The following CHRNA2 variants were observed in gnomAD, a reference collection of about 807,000 sequenced individuals.
CHRNA2 encodes the protein neuronal acetylcholine receptor subunit alpha-2.
In CHRNA2, 40 loss-of-function variants were observed where a neutral mutation model predicts 45.5. That is an observed-to-expected ratio of 0.88 (90% CI 0.68 to 1.15). CHRNA2 has a LOEUF of 1.15. Among genes scored for constraint, CHRNA2 ranks in the 50% most tolerant of loss-of-function variants. The pLI is 0.00. For missense variants in CHRNA2, 655 were observed against 701.7 expected (o/e 0.93, Z 0.75); for synonymous variants, 301 against 296.7 (o/e 1.01, Z -0.15).
intron 4 of CHRNA2, among the ~76,000 whole-genome samples, chr8:27,468,205 G>T (rs1052683658): frequency 4.6e-5 from 7 of 152,150 alleles, no homozygotes; most frequent in Non-Finnish European, 8.8e-5. Context: ...CTCCTTCCTT[G>T]CCCTGCCACC....
intron 1 of CHRNA2, among the ~76,000 whole-genome samples, chr8:27,476,490 C>T (rs1042226777): frequency 4.6e-5 from 7 of 152,120 alleles, no homozygotes; most frequent in African/African-American, 1.2e-4. Context: ...TGTTGTTATC[C>T]GAGATTAAAT....
intron 4 of CHRNA2, among the ~76,000 whole-genome samples, chr8:27,468,251 C>G: frequency 6.6e-6 from 1 of 152,206 alleles, no homozygotes; most frequent in East Asian, 1.9e-4. Flanking sequence ...CCCATGGGGA[C>G]AACTGTGGCA....
At position 27,469,795 on chromosome 8, in the gene CHRNA2, C is replaced by T. The variant is rs532212433; in HGVS notation, c.260G>A (p.Arg87His). The T allele has an allele frequency of 2.5e-6, 4 of 1,614,070 alleles. No homozygotes were observed. The highest frequency in any genetic ancestry group is 2.5e-6 in the Non-Finnish European group (3 of 1,180,044). Residue 87 changes from arginine to histidine, a missense_variant, in exon 3 of 7, where the codon CGC becomes CAC. Transcript: ENST00000407991. ...VPNTSDVVIVRFGLSIAQLID... is the reference protein window; with the variant it reads ...VPNTSDVVIVHFGLSIAQLID... ...GAGCTGAGCGATGGACAGTCCAAAG[C>T]GCACAATCACCACGTCTGAAGTGTT... is the stretch of plus-strand genomic sequence containing the variant.
rs1812575559 is a variant in CHRNA2 at position 27,463,366 on chromosome 8, G to C, written c.1077C>G (p.Thr359=). Residue 359 remains threonine, a synonymous_variant, in exon 6 of 7, where the codon ACC becomes ACG. Coordinates refer to ENST00000407991, the MANE Select transcript of CHRNA2 (RefSeq NM_000742.4). The surrounding 1 kb of genome is among the most constrained non-coding windows in gnomAD (Gnocchi z 6.1). ...CCCGCACCCAGTGGGGCATGGTGTG[G>C]GTGCTGGGGGAGCGGTGGTGCACAT... ...VLNVHHRSPS[T]HTMPHWVRGA... 1 of 1,613,946 alleles carries C rather than the reference G, an allele frequency of 6.2e-7. No individual in the cohort carries two copies. Among genetic ancestry groups the C allele is most frequent in the Admixed American group, 1.7e-5 (1 of 60,004 alleles).
intron 1 of CHRNA2, among the ~76,000 whole-genome samples, chr8:27,474,310 A>G (rs773838320): frequency 6.6e-6 from 1 of 152,238 alleles, no homozygotes; most frequent in African/African-American, 2.4e-5. Flanking sequence ...GCCTGCCTGC[A>G]TCAATTTCCC....
rs373599393 is a variant in CHRNA2, at chr8:27,463,198, C to T, written c.1245G>A (p.Val415=). Residue 415 remains valine (V), a synonymous_variant, in exon 6 of 7, where the codon GTG becomes GTA. Coordinates refer to ENST00000407991, the MANE Select transcript of CHRNA2 (RefSeq NM_000742.4). This position sits in a 1 kb window ranked among gnomAD's most constrained non-coding sequence, Gnocchi z 6.1. ...ESNVDAEERE[V]VVEEEDRWAC... ...CCCATCTGTCCTCCTCCTCCACCAC[C>T]ACCTCCCTCTCCTCGGCATCCACGT... The T allele has an allele frequency of 6.9e-6, 11 of 1,589,836 alleles. No individual in the cohort carries two copies. The African/African-American group carries it at 1.3e-4, about 19-fold the overall frequency.
chr8:27,474,011 T>C (rs1250581712), intron 1 of CHRNA2, among the ~76,000 whole-genome samples: 1 of 152,164 alleles, frequency 6.6e-6, no homozygotes, highest in Non-Finnish European at 1.5e-5. Flanking sequence ...CCTGGGATTT[T>C]GTCTTAAGAT....
chr8:27,470,964 A>G (rs762713890), intron 2 of CHRNA2, 22 bp downstream of exon 2: 2 of 1,611,758 alleles, frequency 1.2e-6, no homozygotes, highest in Non-Finnish European at 1.7e-6. Context: ...AAGTCTTACA[A>G]TGACAGGTGA....
chr8:27,463,604 G>T lies in CHRNA2; in HGVS notation c.839C>A (p.Ser280Tyr). The T allele has an allele frequency of 6.2e-7, 1 of 1,614,232 alleles. No individual in the cohort carries two copies. Among genetic ancestry groups the T allele is most frequent in the Non-Finnish European group, 8.5e-7 (1 of 1,180,048 alleles). The change falls in exon 6 of 7, where the codon TCC becomes TAC. Residue 280 changes from serine (S) to tyrosine (Y), a missense_variant. Ser to Tyr is a moderately radical substitution (Grantham distance 144). This residue lies in a region of CHRNA2 where 37 missense variants were observed against 66.8 expected (regional missense o/e 0.55). Transcript: ENST00000407991. This position sits in a 1 kb window ranked among gnomAD's most constrained non-coding sequence, Gnocchi z 6.1. ...INLIIPCLLI[S>Y]CLTVLVFYLP... ...GTAGAAGACCAGCACAGTGAGGCAG[G>T]AGATGAGCAGGCAGGGGATGATGAG...
Position 27,463,849 on chromosome 8 carries a change from C to G in CHRNA2, c.594G>C (p.Lys198Asn), listed in dbSNP as rs1812610904. 6.2e-7 allele frequency: 1 copy of G among 1,614,086 alleles called. No individual in the cohort carries two copies. Among genetic ancestry groups the G allele is most frequent in the Non-Finnish European group, 8.5e-7 (1 of 1,180,052 alleles). The change falls in exon 6 of 7, where the codon AAG becomes AAC. Residue 198 changes from lysine to asparagine, a missense_variant. This residue lies in a region of CHRNA2 where 323 missense variants were observed against 354.4 expected (regional missense o/e 0.91). Coordinates refer to ENST00000407991, the MANE Select transcript of CHRNA2 (RefSeq NM_000742.4). The surrounding 1 kb of genome is among the most constrained non-coding windows in gnomAD (Gnocchi z 6.1). ...TFFPFDQQNC[K>N]MKFGSWTYDK... ...CATAAGTCCAGGAGCCAAACTTCAT[C>G]TTGCAGTTCTGCTGGTCGAAGGGGA...
Position 27,469,935 on chromosome 8 carries a change from T to C in CHRNA2, c.120A>G (p.Pro40=). The C allele has an allele frequency of 6.2e-7, 1 of 1,613,360 alleles. No homozygotes were observed. Among genetic ancestry groups the C allele is most frequent in the Non-Finnish European group, 8.5e-7 (1 of 1,179,816 alleles). ...KRPPPRAPGD[P]LSSPSPTALP... is the part of the protein sequence containing the mutation. ...ATGCCGTGGGACTGGGAGAGGAGAG[T>C]GGGTCTCCAGGAGCCCTGGGAGGTG... Residue 40 remains proline (P), a synonymous_variant, in exon 3 of 7, where the codon CCA becomes CCG. Coordinates refer to ENST00000407991, the MANE Select transcript of CHRNA2 (RefSeq NM_000742.4).
chr8:27,472,109 G>A (rs1812902837), intron 1 of CHRNA2, among the ~76,000 whole-genome samples: 2 of 152,194 alleles, frequency 1.3e-5, no homozygotes, highest in East Asian at 1.9e-4. Flanking sequence ...TGAGCCCAGC[G>A]AGGGCATGGA....
chr8:27,467,189 G>A, intron 5 of CHRNA2, 40 bp downstream of exon 5: 4 of 1,519,386 alleles, frequency 2.6e-6, no homozygotes, highest in Non-Finnish European at 3.7e-6. Context: ...CCTGCAAGTT[G>A]GCCTCCCCTC....
At position 27,469,553 on chromosome 8, in the gene CHRNA2, C is replaced by T; in HGVS notation, c.295-174G>A. 4.6e-6 allele frequency: 4 copies of T among 868,046 alleles called. 1 individual carries two copies. The highest frequency in any genetic ancestry group is 2.4e-4 in the Middle Eastern group (1 of 4,098). 53.8% of individuals were successfully genotyped at this position (868,046 alleles called of 1,614,324 possible). On this transcript the variant is annotated intron_variant, in intron 3 of 6. Coordinates refer to ENST00000407991, the MANE Select transcript of CHRNA2 (RefSeq NM_000742.4). ...CTCAGATTCTCCAGGGTCACACAGGCACTGCTGCCAATCAATGCCCTCCTA... is the reference window on the plus strand; with the variant it reads ...CTCAGATTCTCCAGGGTCACACAGGTACTGCTGCCAATCAATGCCCTCCTA...
chr8:27,460,934 C>G lies in CHRNA2; in HGVS notation c.*695G>C, dbSNP rs1446477710. The G allele has an allele frequency of 6.6e-6, 1 of 152,454 alleles. No individual in the cohort carries two copies. The highest frequency in any genetic ancestry group is 6.5e-5 in the Admixed American group (1 of 15,308). The allele number at this position is 152,454 out of a possible 1,614,324, so 9.4% of individuals were successfully genotyped here. A position where few individuals can be genotyped will look rare whatever the true frequency, so the allele number is the denominator to read the frequency against. ...CAGATGGATGGAATAGCCCAGCCAC[C>G]TGTATCCAACCATCCATCCCTCCCC... On this transcript the variant is annotated 3_prime_UTR_variant, in exon 7 of 7. Transcript: ENST00000407991.
intron 3 of CHRNA2, 180 bp downstream of exon 3, chr8:27,469,581 A>G: frequency 1.1e-6 from 1 of 873,562 alleles, no homozygotes; most frequent in Non-Finnish European, 1.8e-6. Flanking sequence ...CCCTCCTAGG[A>G]GGGAGCTCCA....
At position 27,469,779 on chromosome 8, in the gene CHRNA2, G is replaced by A. The variant is rs201944711; in HGVS notation, c.276C>T (p.Ile92=). The part of the protein sequence containing the change: ...DVVIVRFGLS[I]AQLIDVDEKN... The stretch of plus-strand genomic sequence containing the variant: ...GGCGCACCACATCGATGAGCTGAGC[G>A]ATGGACAGTCCAAAGCGCACAATCA... Residue 92 remains isoleucine (I), a synonymous_variant, in exon 3 of 7, where the codon ATC becomes ATT. Coordinates refer to ENST00000407991, the MANE Select transcript of CHRNA2 (RefSeq NM_000742.4). The A allele has an allele frequency of 1.9e-5, 30 of 1,614,208 alleles. No individual in the cohort carries two copies. In the African/African-American group the frequency reaches 1.9e-4, roughly 10 times the overall value.
At position 27,471,191 on chromosome 8, in the gene CHRNA2, G is replaced by A. The variant is rs886062846; in HGVS notation, c.-133C>T. ...TTCTGCGAGGCTTCCTCTCACCACCGAACCTGAGCAAGCCCAAGAAAGGGC... is the reference window on the plus strand; with the variant it reads ...TTCTGCGAGGCTTCCTCTCACCACCAAACCTGAGCAAGCCCAAGAAAGGGC... On this transcript the variant is annotated 5_prime_UTR_variant, in exon 2 of 7. Transcript: ENST00000407991. The A allele has an allele frequency of 1.8e-5, 15 of 812,120 alleles. No individual in the cohort carries two copies. The highest frequency in any genetic ancestry group is 8.8e-5 in the South Asian group (6 of 67,996). 50.3% of individuals were successfully genotyped at this position (812,120 alleles called of 1,614,324 possible).
Position 27,460,743 on chromosome 8 carries a change from GTCTT to G in CHRNA2, c.*882_*885del, listed in dbSNP as rs1812449856. On this transcript the variant is annotated 3_prime_UTR_variant, in exon 7 of 7. Transcript: ENST00000407991. ...GGTGGGTCAGGAGCAGCTCAGGATGGTCTTTCTTGTTTGCCTGCTGCACGCGTAG... is the reference window on the plus strand; with the variant it reads ...GGTGGGTCAGGAGCAGCTCAGGATGGTCTTGTTTGCCTGCTGCACGCGTAG... 1 of 152,276 alleles carries G rather than the reference GTCTT, an allele frequency of 6.6e-6. No individual in the cohort carries two copies. The highest frequency in any genetic ancestry group is 2.4e-5 in the African/African-American group (1 of 41,418). The allele number at this position is 152,276 out of a possible 1,614,324, so 9.4% of individuals were successfully genotyped here.
Sources: gnomAD v4.1 joint callset for allele counts (sites outside exome capture counted in the v4.1 genomes callset) on GRCh38, gnomAD v4.1.1 for gene constraint, gnomAD v4.1.1 regional missense constraint, Gnocchi (gnomAD v3.1) non-coding constraint, MANE v1.5 for transcripts, NCBI Gene and HGNC (gene_info 2026-07-23, HGNC 2026-07-21) for gene names.